The following ZFAND6 variants were observed in gnomAD, a reference collection of about 807,000 sequenced individuals.
ZFAND6 encodes zinc finger AN1-type containing 6.
In ZFAND6, 12 loss-of-function variants were observed where a neutral mutation model predicts 24.5. The observed-to-expected ratio is 0.49, with a 90% confidence interval of 0.31 to 0.79. The LOEUF (loss-of-function observed/expected upper bound fraction) is 0.79. Among genes scored for constraint, ZFAND6 ranks in the 30% least tolerant of loss-of-function variants. The pLI is 0.04. For synonymous variants in ZFAND6, 92 were observed against 81.5 expected (o/e 1.13, Z -0.69); for missense variants, 207 against 245.9 (o/e 0.84, Z 1.06).
intron 2 of ZFAND6, among the ~76,000 whole-genome samples, chr15:80,103,485 A>G (rs2039143018): frequency 6.6e-6 from 1 of 152,218 alleles, no homozygotes; most frequent in African/African-American, 2.4e-5. Context: ...TCTTGTAACT[A>G]GCGGCCTAGA....
chr15:80,069,104 T>C (rs536280934), intron 1 of ZFAND6, among the ~76,000 whole-genome samples: 28 of 152,308 alleles, frequency 1.8e-4, no homozygotes, highest in South Asian at 8.3e-4. Flanking sequence ...TTTTATGTAA[T>C]ATTTTATTTA....
In ZFAND6 at chr15:80,079,232, T is replaced by C. The variant is rs115752686; in HGVS notation, c.-180-19184T>C. On this transcript the variant is annotated intron_variant, in intron 1 of 6. Transcript: ENST00000261749. ...GTTTACTCTGTTCTTTCTTTCCTTT[T>C]TTTTTGGAGACGGAGTCTCGCTCTG... Among the ~76,000 whole-genome samples the C allele has an allele frequency of 4.7e-3, 717 of 152,328 alleles. 6 individuals are homozygous for C. Among genetic ancestry groups the C allele is most frequent in the African/African-American group, 0.016 (665 of 41,558 alleles).
chr15:80,078,078 G>A (rs557190355), intron 1 of ZFAND6, among the ~76,000 whole-genome samples: 16 of 152,158 alleles, frequency 1.1e-4, no homozygotes, highest in African/African-American at 3.9e-4. Context: ...TTTATTTTAG[G>A]TTCAGGGGTA....
intron 2 of ZFAND6, chr15:80,111,548 A>G (rs2039611985): frequency 4.4e-6 from 2 of 455,936 alleles, no homozygotes; most frequent in South Asian, 3.1e-5. Context: ...CAAACAATAC[A>G]GTGGCCTCTT....
intron 1 of ZFAND6, among the ~76,000 whole-genome samples, chr15:80,096,640 C>G (rs577347052): frequency 2.0e-5 from 3 of 152,208 alleles, no homozygotes; most frequent in Admixed American, 6.5e-5. Flanking sequence ...TGTTTGGGTG[C>G]TATTTCTCAT....
intron 1 of ZFAND6, among the ~76,000 whole-genome samples, chr15:80,076,535 G>A (rs926124180): frequency 1.3e-5 from 2 of 151,962 alleles, no homozygotes; most frequent in Non-Finnish European, 2.9e-5. Context: ...CTTCATATTC[G>A]TTAGTGAATA....
Position 80,109,917 on chromosome 15 carries a change from C to T in ZFAND6, c.-17-10411C>T, listed in dbSNP as rs546321441. 7.9e-5 allele frequency among the ~76,000 whole-genome samples: 12 copies of T among 152,306 alleles called. No individual in the cohort carries two copies. In the East Asian group the frequency reaches 2.3e-3, roughly 29 times the overall value. ...GGGCCTCAGCTGTATGGTTTTGGCC[C>T]AGAGTGTTTCATGAGGTTGCAGTTC... On this transcript the variant is annotated intron_variant, in intron 2 of 6. Coordinates refer to ENST00000261749, the MANE Select transcript of ZFAND6 (RefSeq NM_019006.4).
chr15:80,111,629 G>A (rs570456765), intron 2 of ZFAND6: 87 of 358,664 alleles, frequency 2.4e-4, no homozygotes, highest in Middle Eastern at 1.8e-3. Context: ...ATTGCTATAA[G>A]GAAATTTTTC....
chr15:80,082,181 G>T (rs1033048948), intron 1 of ZFAND6, among the ~76,000 whole-genome samples: 10 of 152,322 alleles, frequency 6.6e-5, no homozygotes, highest in Non-Finnish European at 1.3e-4. Context: ...ACTGTGAGCA[G>T]TGGTGAATTA....
intron 1 of ZFAND6, among the ~76,000 whole-genome samples, chr15:80,088,488 C>A (rs1246113548): frequency 2.0e-5 from 3 of 152,182 alleles, no homozygotes; most frequent in Non-Finnish European, 2.9e-5. Context: ...ATTGCTTGAA[C>A]CCGGGAGACG....
chr15:80,079,087 A>C (rs2037474294), intron 1 of ZFAND6, among the ~76,000 whole-genome samples: 2 of 145,930 alleles, frequency 1.4e-5, no homozygotes, highest in African/African-American at 5.1e-5. Context: ...TTTGAGAAGT[A>C]TGTGTTCTTT....
At chr15:80,070,006 A>G (rs1052583171) in intron 1 of ZFAND6, among the ~76,000 whole-genome samples, 24 of 152,324 alleles carry the variant, frequency 1.6e-4, no homozygotes, top group African/African-American at 5.1e-4. Context: ...TCTTTTTATC[A>G]ACTACTACAA....
At chr15:80,084,432 C>T (rs1336205328) in intron 1 of ZFAND6, among the ~76,000 whole-genome samples, 2 of 152,156 alleles carry the variant, frequency 1.3e-5, no homozygotes, top group Non-Finnish European at 2.9e-5. Context: ...CTTCTGGTCC[C>T]AGACATTTTG....
intron 1 of ZFAND6, among the ~76,000 whole-genome samples, chr15:80,063,701 C>G (rs1327465532): frequency 6.6e-6 from 1 of 152,002 alleles, no homozygotes; most frequent in Non-Finnish European, 1.5e-5. Context: ...CAGGTGCATG[C>G]CACTACACCC....
chr15:80,120,114 G>C (rs2040081715), intron 2 of ZFAND6, among the ~76,000 whole-genome samples: 1 of 152,148 alleles, frequency 6.6e-6, no homozygotes, highest in Admixed American at 6.5e-5. Context: ...GTACAGACTT[G>C]GCTTATGTAG....
chr15:80,121,694 A>C lies in ZFAND6; in HGVS notation c.155-18A>C, dbSNP rs191052237. On this transcript the variant is annotated intron_variant, in intron 3 of 6. Coordinates refer to ENST00000261749, the MANE Select transcript of ZFAND6 (RefSeq NM_019006.4). ...TGAGCATATAGAATCACTAATACGC[A>C]ATGTGGTACTGTTACAGCAACCTCT... 45 of 1,604,504 alleles carry C rather than the reference A, an allele frequency of 2.8e-5. No homozygotes were observed. The African/African-American group carries it at 5.2e-4, about 19-fold the overall frequency.
intron 1 of ZFAND6, among the ~76,000 whole-genome samples, chr15:80,083,508 G>T (rs1335120710): frequency 2.0e-5 from 3 of 152,188 alleles, no homozygotes; most frequent in Non-Finnish European, 2.9e-5. Flanking sequence ...CTGTAAAGTG[G>T]CTGTGCTAAG....
At chr15:80,075,072 C>G (rs1371896262) in intron 1 of ZFAND6, 1 of 155,248 alleles carries the variant, frequency 6.4e-6, no homozygotes, top group Non-Finnish European at 1.4e-5. Context: ...CTCTGACTTT[C>G]AGAGCTGATG....
intron 1 of ZFAND6, among the ~76,000 whole-genome samples, chr15:80,093,214 C>T (rs2038495093): frequency 6.6e-6 from 1 of 151,846 alleles, no homozygotes; most frequent in African/African-American, 2.4e-5. Context: ...ATCCGCCTGC[C>T]TCGGCCTCCC....
Sources: allele counts gnomAD v4.1 joint callset (sites outside exome capture counted in the v4.1 genomes callset), GRCh38; gene constraint gnomAD v4.1.1; transcripts MANE v1.5; gene names NCBI Gene and HGNC (gene_info 2026-07-23, HGNC 2026-07-21).